The following ANKRD33 variants were observed in gnomAD, a reference collection of about 807,000 sequenced individuals.
ANKRD33 encodes ankyrin repeat domain 33.
A neutral mutation model predicts 20.6 loss-of-function variants in ANKRD33; 20 were observed. That is an observed-to-expected ratio of 0.97 (90% CI 0.68 to 1.41). The LOEUF (loss-of-function observed/expected upper bound fraction) is 1.41, where lower values mean the gene tolerates loss of function less well. ANKRD33 is among the 40% of genes most tolerant of loss of function. The pLI, the probability that ANKRD33 is intolerant of heterozygous loss-of-function variation, is 0.00. For synonymous variants in ANKRD33, 246 were observed against 245.0 expected (o/e 1.00, Z -0.04); for missense variants, 545 against 579.6 (o/e 0.94, Z 0.61).
At position 51,890,877 on chromosome 12, in the gene ANKRD33, G is replaced by A; in HGVS notation, c.931G>A (p.Ala311Thr). ...EGGVLDHLVT[A>T]TTSLASPFVT... ...GGGTGTTCTGGACCACCTTGTGACT[G>A]CCACAACCAGCCTGGCCAGTCCCTT... The change falls in exon 5 of 5, where the codon GCC (alanine) becomes ACC (threonine). Residue 311 changes from alanine (A) to threonine (T), a missense_variant. Transcript: ENST00000301190. The A allele has an allele frequency of 1.2e-6, 2 of 1,613,120 alleles. No homozygotes were observed. The highest frequency in any genetic ancestry group is 1.7e-6 in the Non-Finnish European group (2 of 1,179,952).
At position 51,888,694 on chromosome 12, in the gene ANKRD33, C is replaced by A. The variant is rs746864359; in HGVS notation, c.272C>A (p.Thr91Asn). ...ALPCPGKETP[T>N]PGCRLGALYW... ...CCCTGCCCGGGCAAGGAGACCCCCA[C>A]CCCAGGCTGCAGGCTGGGGGCCCTG... is the stretch of plus-strand genomic sequence containing the variant. Residue 91 changes from threonine to asparagine, a missense_variant, in exon 2 of 5, where the codon ACC (threonine) becomes AAC (asparagine). Physicochemically the swap from Thr to Asn is moderately conservative, Grantham distance 65 (BLOSUM62 0). Transcript: ENST00000301190. 18 of 1,613,268 alleles carry A rather than the reference C, an allele frequency of 1.1e-5. No individual in the cohort carries two copies. Among genetic ancestry groups the A allele is most frequent in the Middle Eastern group, 1.7e-4 (1 of 6,060 alleles).
rs762062133 is a variant in ANKRD33 at position 51,891,044 on chromosome 12, C to T, written c.1098C>T (p.Ser366=). 2 of 1,614,092 alleles carry T rather than the reference C, an allele frequency of 1.2e-6. No homozygotes were observed. Among genetic ancestry groups the T allele is most frequent in the African/African-American group, 1.3e-5 (1 of 75,020 alleles). Residue 366 remains serine, a synonymous_variant, in exon 5 of 5, where the codon TCC becomes TCT. Transcript: ENST00000301190. ...PQSPPGSPQR[S]PWVFVPYQSP... Reference sequence around the variant, plus strand: ...CCCCGCCAGGGAGTCCCCAGAGGTCCCCGTGGGTCTTCGTCCCCTACCAGA... The same window carrying T: ...CCCCGCCAGGGAGTCCCCAGAGGTCTCCGTGGGTCTTCGTCCCCTACCAGA...
chr12:51,889,092 A>C lies in ANKRD33; in HGVS notation c.422A>C (p.His141Pro), dbSNP rs1940322147. Reference protein sequence around the residue: ...GRTGLMVACYHGFQSVVALLS... With the variant: ...GRTGLMVACYPGFQSVVALLS... The stretch of plus-strand genomic sequence containing the variant: ...ACAGGCCTCATGGTCGCATGCTACC[A>C]CGGCTTCCAGAGTGTTGTGGCCCTG... The change falls in exon 3 of 5, where the codon CAC becomes CCC. Residue 141 changes from histidine (H) to proline (P), a missense_variant. His to Pro is a moderately conservative substitution (Grantham distance 77, BLOSUM62 -2). Transcript: ENST00000301190. 1 of 1,613,942 alleles carries C rather than the reference A, an allele frequency of 6.2e-7. No homozygotes were observed. The highest frequency in any genetic ancestry group is 1.7e-5 in the Admixed American group (1 of 60,000).
chr12:51,888,965 G>GAAT (rs757500484), intron 2 of ANKRD33, 102 bp from the exon 3 acceptor site: 5 of 1,586,942 alleles, frequency 3.2e-6, no homozygotes, highest in Non-Finnish European at 3.4e-6. Flanking sequence ...GGTCTTCACG[G>GAAT]GGTTTGGGGC....
chr12:51,891,447 A>G lies in ANKRD33; in HGVS notation c.*142A>G. ...AACCTATATATATACAAGGTCATTC[A>G]TTCTAGCATTGTTTGCAAGAGTGAA... is the stretch of plus-strand genomic sequence containing the variant. On this transcript the variant is annotated 3_prime_UTR_variant, in exon 5 of 5. Coordinates refer to ENST00000301190, the MANE Select transcript of ANKRD33 (RefSeq NM_182608.4). The G allele has an allele frequency of 7.5e-7, 1 of 1,338,854 alleles. No individual in the cohort carries two copies. Among genetic ancestry groups the G allele is most frequent in the Non-Finnish European group, 9.9e-7 (1 of 1,011,098 alleles). 82.9% of individuals were successfully genotyped at this position (1,338,854 alleles called of 1,614,324 possible). A position where few individuals can be genotyped will look rare whatever the true frequency, so the allele number is the denominator to read the frequency against.
At chr12:51,888,505 T>C in intron 1 of ANKRD33, 63 bp from the exon 2 acceptor site, 2 of 1,555,432 alleles carry the variant, frequency 1.3e-6, no homozygotes, top group Non-Finnish European at 1.7e-6. Context: ...ACTTCGCAGC[T>C]GCTGGGTCCC....
In ANKRD33 at chr12:51,890,718, C is replaced by T. The variant is rs1940394332; in HGVS notation, c.772C>T (p.His258Tyr). 1.9e-6 allele frequency: 3 copies of T among 1,603,722 alleles called. No individual in the cohort carries two copies. Among genetic ancestry groups the T allele is most frequent in the African/African-American group, 1.3e-5 (1 of 75,072 alleles). ...GCCCCAAGTGGAGCAGCTTAGCCAG[C>T]ACTACAAGCCCGAGTGGCCGGCCTT... ...RRPQVEQLSQHYKPEWPALSG... is the reference protein window; with the variant it reads ...RRPQVEQLSQYYKPEWPALSG... The change falls in exon 5 of 5, where the codon CAC (histidine) becomes TAC (tyrosine). Residue 258 changes from histidine (H) to tyrosine (Y), a missense_variant. Coordinates refer to ENST00000301190, the MANE Select transcript of ANKRD33 (RefSeq NM_182608.4).
At chr12:51,890,392 C>A in intron 4 of ANKRD33, 192 bp from the exon 5 acceptor site, 1 of 1,409,046 alleles carries the variant, frequency 7.1e-7, no homozygotes, top group Non-Finnish European at 9.7e-7. Context: ...CTTTTCCCCT[C>A]TCTGGACCTA....
In ANKRD33 at chr12:51,889,543, C is replaced by T. The variant is rs753795079; in HGVS notation, c.637+61C>T. 4.8e-5 allele frequency: 76 copies of T among 1,578,894 alleles called. No individual in the cohort carries two copies. In the East Asian group the frequency reaches 1.0e-3, roughly 22 times the overall value. ...CGGGGCCTGGACCGGGGTGTGTGGC[C>T]TCCAGTCCCTCCTCCAAGCCTTCCC... is the stretch of plus-strand genomic sequence containing the variant. On this transcript the variant is annotated intron_variant, in intron 4 of 4. Transcript: ENST00000301190.
At chr12:51,889,256 C>G (rs1024220977) in intron 3 of ANKRD33, 60 bp downstream of exon 3, 66 of 1,612,214 alleles carry the variant, frequency 4.1e-5, no homozygotes, top group Non-Finnish European at 5.3e-5. Context: ...AGGGCCTCAG[C>G]CCCACCCTTG....
Position 51,890,705 on chromosome 12 carries a change from G to A in ANKRD33, c.759G>A (p.Glu253=). The A allele has an allele frequency of 6.2e-7, 1 of 1,604,018 alleles. No homozygotes were observed. Among genetic ancestry groups the A allele is most frequent in the Non-Finnish European group, 8.5e-7 (1 of 1,179,966 alleles). ...AGCTGCTGAGGCGGCCCCAAGTGGA[G>A]CAGCTTAGCCAGCACTACAAGCCCG... ...IRQLLRRPQV[E]QLSQHYKPEW... Residue 253 remains glutamate (E), a synonymous_variant, in exon 5 of 5, where the codon GAG becomes GAA. Transcript: ENST00000301190.
intron 4 of ANKRD33, 95 bp from the exon 5 acceptor site, chr12:51,890,489 T>C: frequency 1.3e-6 from 2 of 1,537,386 alleles, no homozygotes; most frequent in Non-Finnish European, 1.7e-6. Flanking sequence ...TGGCTTCGAA[T>C]GTAACCCACA....
At chr12:51,888,357 C>T (rs1414484859) in intron 1 of ANKRD33, 26 bp downstream of exon 1, 1 of 1,613,642 alleles carries the variant, frequency 6.2e-7, no homozygotes, top group Admixed American at 1.7e-5. Flanking sequence ...GACCCTCTCT[C>T]CGTGAGTCTC....
rs995422810 is a variant in ANKRD33 at position 51,890,360 on chromosome 12, C to T, written c.638-224C>T. On this transcript the variant is annotated intron_variant, in intron 4 of 4. Transcript: ENST00000301190. ...TCCCTATTCTGCCCTAGGTGGAGCCCCACAATAGGTCTCTCTGAAGTCTTT... is the reference window on the plus strand; with the variant it reads ...TCCCTATTCTGCCCTAGGTGGAGCCTCACAATAGGTCTCTCTGAAGTCTTT... 1.1e-5 allele frequency: 13 copies of T among 1,163,504 alleles called. No homozygotes were observed. The African/African-American group carries it at 1.7e-4, about 15-fold the overall frequency. 72.1% of individuals were successfully genotyped at this position (1,163,504 alleles called of 1,614,324 possible). A position where few individuals can be genotyped will look rare whatever the true frequency, so the allele number is the denominator to read the frequency against.
Position 51,891,020 on chromosome 12 carries a change from C to T in ANKRD33, c.1074C>T (p.Ser358=). 1 of 1,613,864 alleles carries T rather than the reference C, an allele frequency of 6.2e-7. No individual in the cohort carries two copies. The highest frequency in any genetic ancestry group is 8.5e-7 in the Non-Finnish European group (1 of 1,179,994). The change falls in exon 5 of 5, where the codon TCC becomes TCT. Residue 358 remains serine (S), a synonymous_variant. Coordinates refer to ENST00000301190, the MANE Select transcript of ANKRD33 (RefSeq NM_182608.4). ...TAPPPPLVPQ[S]PPGSPQRSPW... ...CGCCCCCTCCCCTGGTTCCCCAGTCCCCGCCAGGGAGTCCCCAGAGGTCCC... is the reference window on the plus strand; with the variant it reads ...CGCCCCCTCCCCTGGTTCCCCAGTCTCCGCCAGGGAGTCCCCAGAGGTCCC...
At position 51,890,789 on chromosome 12, in the gene ANKRD33, T is replaced by C. The variant is rs779633674; in HGVS notation, c.843T>C (p.Pro281=). 1 of 1,606,482 alleles carries C rather than the reference T, an allele frequency of 6.2e-7. No individual in the cohort carries two copies. Among genetic ancestry groups the C allele is most frequent in the Admixed American group, 1.7e-5 (1 of 59,828 alleles). ...AQAQAQAQVA[P]SLLERLQATL... ...CCCAGGCCCAGGCCCAGGTTGCCCCTTCACTCCTAGAACGGCTGCAGGCTA... is the reference window on the plus strand; with the variant it reads ...CCCAGGCCCAGGCCCAGGTTGCCCCCTCACTCCTAGAACGGCTGCAGGCTA... The change falls in exon 5 of 5, where the codon CCT becomes CCC. Residue 281 remains proline, a synonymous_variant. Coordinates refer to ENST00000301190, the MANE Select transcript of ANKRD33 (RefSeq NM_182608.4).
At position 51,891,249 on chromosome 12, in the gene ANKRD33, G is replaced by C. The variant is rs2139041592; in HGVS notation, c.1303G>C (p.Glu435Gln). The C allele has an allele frequency of 5.6e-6, 9 of 1,614,218 alleles. No homozygotes were observed. Among genetic ancestry groups the C allele is most frequent in the Non-Finnish European group, 5.9e-6 (7 of 1,180,040 alleles). The change falls in exon 5 of 5, where the codon GAG becomes CAG. Residue 435 changes from glutamate to glutamine, a missense_variant. Physicochemically the swap from Glu to Gln is conservative, Grantham distance 29. Coordinates refer to ENST00000301190, the MANE Select transcript of ANKRD33 (RefSeq NM_182608.4). ...GGCCCTTCCTCTCTGGCGATACCAG[G>C]AGCTCAGGATAGAGAAGAGGAAACA... The part of the protein sequence containing the change: ...SLALPLWRYQ[E>Q]LRIEKRKQEE...
intron 4 of ANKRD33, chr12:51,890,324 G>C: frequency 1.2e-6 from 1 of 847,830 alleles, no homozygotes; most frequent in East Asian, 2.9e-5. Flanking sequence ...CAGCTCCTTG[G>C]ATTGAGGAGA....
In ANKRD33 at chr12:51,888,282, C is replaced by G; in HGVS notation, c.96C>G (p.Ala32=). ...ACCCAGTGATTGTGCTCCGCGGAGC[C>G]TGGGCTGTGCCCCGCGTTGACTGCC... The part of the protein sequence containing the change: ...FGDPVIVLRG[A]WAVPRVDCLI... The change falls in exon 1 of 5, where the codon GCC becomes GCG. Residue 32 remains alanine, a synonymous_variant. Coordinates refer to ENST00000301190, the MANE Select transcript of ANKRD33 (RefSeq NM_182608.4). The G allele has an allele frequency of 6.2e-7, 1 of 1,610,858 alleles. No homozygotes were observed. The highest frequency in any genetic ancestry group is 8.5e-7 in the Non-Finnish European group (1 of 1,178,382).
Sources: allele counts gnomAD v4.1 joint callset, GRCh38; gene constraint gnomAD v4.1.1; transcripts MANE v1.5; gene names NCBI Gene and HGNC (gene_info 2026-07-23, HGNC 2026-07-21).